NTN1: variants seen among roughly 807,000 people sequenced by gnomAD.
NTN1 encodes netrin 1.
NTN1 carries 11 observed loss-of-function variants against 54.2 expected under a neutral mutation model. The ratio of observed to expected loss-of-function variants is 0.20; its 90% CI spans 0.13 to 0.34. The LOEUF (loss-of-function observed/expected upper bound fraction) is 0.34. Among genes scored for constraint, NTN1 ranks in the 10% least tolerant of loss-of-function variants. The pLI, the probability that NTN1 is intolerant of heterozygous loss-of-function variation, is 1.00. For missense variants in NTN1, 740 were observed against 893.1 expected (o/e 0.83, Z 2.18); for synonymous variants, 371 against 382.0 (o/e 0.97, Z 0.33).
intron 2 of NTN1, among the ~76,000 whole-genome samples, chr17:9,060,302 C>T (rs945067812): frequency 4.6e-5 from 7 of 152,100 alleles, no homozygotes; most frequent in Non-Finnish European, 1.0e-4. Context: ...TGGTTTTCTT[C>T]ATAACAGTTT....
intron 2 of NTN1, among the ~76,000 whole-genome samples, chr17:9,055,258 C>A (rs967099143): frequency 3.9e-5 from 6 of 152,192 alleles, no homozygotes; most frequent in Non-Finnish European, 7.3e-5. Flanking sequence ...TTCACTCACT[C>A]AAACAACAAC....
Position 9,135,607 on chromosome 17 carries a change from C to T in NTN1, c.1019-27206C>T, listed in dbSNP as rs755817804. On this transcript the variant is annotated intron_variant, in intron 2 of 6. Transcript: ENST00000173229. This position sits in a 1 kb window ranked among gnomAD's most constrained non-coding sequence, Gnocchi z 4.4. ...TTCCCCTTGAATTGTCACGATGGCCCAGCACTGTTGGGTTCAGCTGGTGTG... is the reference window on the plus strand; with the variant it reads ...TTCCCCTTGAATTGTCACGATGGCCTAGCACTGTTGGGTTCAGCTGGTGTG... Among the ~76,000 whole-genome samples, 14 of 152,208 alleles carry T rather than the reference C, an allele frequency of 9.2e-5. No homozygotes were observed. The highest frequency in any genetic ancestry group is 1.9e-4 in the Non-Finnish European group (13 of 68,036).
intron 2 of NTN1, among the ~76,000 whole-genome samples, chr17:9,064,950 T>G (rs1013049367): frequency 7.2e-5 from 11 of 152,100 alleles, no homozygotes; most frequent in African/African-American, 2.7e-4. Flanking sequence ...ATTAATTTAT[T>G]TATTGAGATG....
At chr17:9,005,249 A>G in the NTN1 span, among the ~76,000 whole-genome samples, 326 of 152,294 alleles carry the variant, frequency 2.1e-3, 1 homozygote, top group African/African-American at 7.4e-3. Context: ...ACGCTTTCTA[A>G]GAGTTGGAAA....
chr17:9,030,979 T>C (rs2091886830), intron 2 of NTN1, among the ~76,000 whole-genome samples: 1 of 152,168 alleles, frequency 6.6e-6, no homozygotes, highest in South Asian at 2.1e-4. Flanking sequence ...GCTGCACACG[T>C]GGTCATATTT....
chr17:9,080,218 C>T (rs1235491660), intron 2 of NTN1, among the ~76,000 whole-genome samples: 1 of 152,248 alleles, frequency 6.6e-6, no homozygotes, highest in African/African-American at 2.4e-5. Flanking sequence ...TAAATGCAGC[C>T]CCCTGCGTGA....
the NTN1 span, among the ~76,000 whole-genome samples, chr17:9,013,035 G>T: frequency 1.3e-5 from 2 of 151,992 alleles, no homozygotes; most frequent in East Asian, 1.9e-4. Context: ...AATGACTGGT[G>T]TATGGTGTGT....
chr17:9,203,645 CAAA>C (rs369804000), intron 5 of NTN1, among the ~76,000 whole-genome samples: 1 of 151,322 alleles, frequency 6.6e-6, no homozygotes, highest in South Asian at 2.1e-4. Context: ...CTAAAAAATA[CAAA>C]AAAAATTAGC....
chr17:9,066,640 A>G (rs183342330), intron 2 of NTN1, among the ~76,000 whole-genome samples: 1 of 151,476 alleles, frequency 6.6e-6, no homozygotes, highest in Admixed American at 6.6e-5. Flanking sequence ...AGAAAAAAAA[A>G]TTCAATAGCA....
chr17:9,191,157 A>G (rs1453478393), intron 5 of NTN1, among the ~76,000 whole-genome samples: 2 of 152,168 alleles, frequency 1.3e-5, no homozygotes, highest in African/African-American at 4.8e-5. Flanking sequence ...AAAAGGAAAG[A>G]TTTTGAATAA....
chr17:9,182,944 A>G lies in NTN1; in HGVS notation c.1386A>G (p.Ala462=). Residue 462 remains alanine (A), a synonymous_variant, in exon 5 of 7, where the codon GCA becomes GCG. Transcript: ENST00000173229. ...TCCCTGTAGCGCCGCCGACGACTGCAGCCAGCAGCGTGGAGGAGCCTGAAG... is the reference window on the plus strand; with the variant it reads ...TCCCTGTAGCGCCGCCGACGACTGCGGCCAGCAGCGTGGAGGAGCCTGAAG... ...IKIPVAPPTT[A]ASSVEEPEDC... 6.2e-7 allele frequency: 1 copy of G among 1,613,920 alleles called. No homozygotes were observed. The highest frequency in any genetic ancestry group is 8.5e-7 in the Non-Finnish European group (1 of 1,179,956).
At chr17:9,088,198 C>T (rs77769389) in intron 2 of NTN1, among the ~76,000 whole-genome samples, 2,578 of 152,322 alleles carry the variant, frequency 0.017, 72 homozygotes, top group African/African-American at 0.059. Context: ...TCCCGACGGC[C>T]GTGCCGAGGG....
intron 5 of NTN1, among the ~76,000 whole-genome samples, chr17:9,190,406 A>G (rs1482526911): frequency 6.6e-6 from 1 of 152,254 alleles, no homozygotes. Context: ...AGCCAGAAAA[A>G]TAAATGGGTG....
At chr17:9,171,930 C>T (rs1320792364) in intron 3 of NTN1, 1 of 146,196 alleles carries the variant, frequency 6.8e-6, no homozygotes, top group Non-Finnish European at 1.5e-5. Flanking sequence ...CTCTTGTTGC[C>T]CAGGCTGGAG....
At chr17:9,113,747 A>C (rs912752911) in intron 2 of NTN1, among the ~76,000 whole-genome samples, 1 of 152,182 alleles carries the variant, frequency 6.6e-6, no homozygotes, top group Admixed American at 6.5e-5. Context: ...TCCATATGGT[A>C]CAGAGTAAGA....
Position 9,212,518 on chromosome 17 carries a change from C to A in NTN1, c.1412-8650C>A, listed in dbSNP as rs1365286274. ...GACTGGCCTCATTTGCCTTTTGTCACCTGCTGGTGGGCAGAATGGCCCAGC... is the reference window on the plus strand; with the variant it reads ...GACTGGCCTCATTTGCCTTTTGTCAACTGCTGGTGGGCAGAATGGCCCAGC... On this transcript the variant is annotated intron_variant, in intron 5 of 6. Coordinates refer to ENST00000173229, the MANE Select transcript of NTN1 (RefSeq NM_004822.3). The surrounding 1 kb of genome is among the most constrained non-coding windows in gnomAD (Gnocchi z 5.5). Among the ~76,000 whole-genome samples the A allele has an allele frequency of 1.3e-5, 2 of 152,222 alleles. No homozygotes were observed. Among genetic ancestry groups the A allele is most frequent in the African/African-American group, 4.8e-5 (2 of 41,448 alleles).
chr17:9,023,668 C>T (rs920012741), intron 2 of NTN1, among the ~76,000 whole-genome samples: 21 of 152,276 alleles, frequency 1.4e-4, no homozygotes, highest in African/African-American at 4.6e-4. Flanking sequence ...GCAGATAGGT[C>T]TCCGCTAACC....
chr17:9,018,792 G>A (rs528263521), upstream of NTN1, among the ~76,000 whole-genome samples: 11 of 152,080 alleles, frequency 7.2e-5, no homozygotes, highest in African/African-American at 2.7e-4. Context: ...GTCTTTTCCT[G>A]ACTTGGGTTT....
At chr17:9,188,647 A>G (rs1162998948) in intron 5 of NTN1, among the ~76,000 whole-genome samples, 1 of 152,008 alleles carries the variant, frequency 6.6e-6, no homozygotes, top group African/African-American at 2.4e-5. Context: ...TTTGGAGGGG[A>G]TGGCGGAAGT....
Sources: gnomAD v4.1 joint callset for allele counts (sites outside exome capture counted in the v4.1 genomes callset) on GRCh38, gnomAD v4.1.1 for gene constraint, Gnocchi (gnomAD v3.1) non-coding constraint, MANE v1.5 for transcripts, NCBI Gene and HGNC (gene_info 2026-07-23, HGNC 2026-07-21) for gene names.